Variants in ASTN2 observed in about 807,000 individuals in gnomAD.
ASTN2 encodes astrotactin-2.
Under a neutral mutation model 139.8 loss-of-function variants are expected in ASTN2, and 54 were observed. The observed-to-expected ratio is 0.39, with a 90% CI of 0.31 to 0.48. The LOEUF is 0.48. Among genes scored for constraint, ASTN2 ranks in the 20% least tolerant of loss-of-function variants. The pLI is 0.95. For synonymous variants in ASTN2, 756 were observed against 719.5 expected (o/e 1.05, Z -0.81); for missense variants, 1,565 against 1,725.1 (o/e 0.91, Z 1.64).
chr9:116,534,348 T>A (rs998211923), intron 19 of ASTN2, among the ~76,000 whole-genome samples: 4 of 152,216 alleles, frequency 2.6e-5, no homozygotes, highest in African/African-American at 9.6e-5. Context: ...TGGTTTTTTG[T>A]GTCTCTATTT....
chr9:117,069,258 C>A (rs1274210196), intron 5 of ASTN2, among the ~76,000 whole-genome samples: 1 of 102,428 alleles, frequency 9.8e-6, no homozygotes, highest in African/African-American at 4.4e-5. Context: ...GCCTTCATTT[C>A]GTTATGTACC....
intron 19 of ASTN2, among the ~76,000 whole-genome samples, chr9:116,614,101 A>G (rs1436061018): frequency 1.3e-5 from 2 of 152,202 alleles, no homozygotes; most frequent in African/African-American, 2.4e-5. Flanking sequence ...GAGCCAAATC[A>G]TGAGTGAACT....
chr9:117,321,047 G>A (rs776685485), intron 1 of ASTN2, among the ~76,000 whole-genome samples: 3 of 152,298 alleles, frequency 2.0e-5, no homozygotes, highest in Admixed American at 6.5e-5. Flanking sequence ...CACACAATGT[G>A]CCCCATCAGT....
At chr9:116,519,525 G>C (rs1850783392) in intron 19 of ASTN2, among the ~76,000 whole-genome samples, 1 of 152,022 alleles carries the variant, frequency 6.6e-6, no homozygotes, top group Non-Finnish European at 1.5e-5. Flanking sequence ...TAAGAGGAAA[G>C]TTCAAAGCAT....
intron 10 of ASTN2, among the ~76,000 whole-genome samples, chr9:116,920,838 G>A (rs772661525): frequency 1.5e-4 from 23 of 152,202 alleles, no homozygotes; most frequent in Admixed American, 2.6e-4. Flanking sequence ...TCAAGACAAC[G>A]TAGCTAGTAG....
intron 3 of ASTN2, among the ~76,000 whole-genome samples, chr9:117,188,065 C>A (rs1333212751): frequency 6.6e-6 from 1 of 151,764 alleles, no homozygotes; most frequent in Non-Finnish European, 1.5e-5. Flanking sequence ...GAATGTTAAG[C>A]AGCATCCCTG....
chr9:116,552,339 G>A (rs1429312529), intron 19 of ASTN2: 9 of 152,132 alleles, frequency 5.9e-5, no homozygotes, highest in Admixed American at 5.9e-4. Flanking sequence ...CAGAGTTAAG[G>A]GGGATAAGTG....
At chr9:117,016,081 T>C (rs1376432191) in intron 6 of ASTN2, among the ~76,000 whole-genome samples, 1 of 152,144 alleles carries the variant, frequency 6.6e-6, no homozygotes, top group African/African-American at 2.4e-5. Flanking sequence ...TTAAATATTT[T>C]CACTCCCTCC....
At chr9:117,307,455 G>A (rs1358513031) in intron 1 of ASTN2, among the ~76,000 whole-genome samples, 3 of 152,192 alleles carry the variant, frequency 2.0e-5, no homozygotes, top group Non-Finnish European at 4.4e-5. Context: ...CATGACACAC[G>A]TAAACTTGCA....
intron 17 of ASTN2, among the ~76,000 whole-genome samples, chr9:116,629,757 C>T (rs982209280): frequency 1.3e-5 from 2 of 152,158 alleles, no homozygotes; most frequent in African/African-American, 4.8e-5. Context: ...CCCGACAGAA[C>T]AGCTCCTTAA....
At chr9:116,485,515 T>A (rs2119075004) in intron 20 of ASTN2, among the ~76,000 whole-genome samples, 1 of 152,344 alleles carries the variant, frequency 6.6e-6, no homozygotes, top group South Asian at 2.1e-4. Flanking sequence ...CATGCAGTTG[T>A]CCCAGAGCCC....
intron 5 of ASTN2, among the ~76,000 whole-genome samples, chr9:117,058,284 A>G (rs145063076): frequency 8.5e-4 from 129 of 152,348 alleles, no homozygotes; most frequent in African/African-American, 2.7e-3. Context: ...AGGCAGGAAA[A>G]TAAAATCCAG....
intron 8 of ASTN2, 141 bp downstream of exon 8, chr9:116,976,560 T>G (rs897077103): frequency 1.5e-6 from 1 of 661,150 alleles, no homozygotes; most frequent in Non-Finnish European, 2.6e-6. Flanking sequence ...TAGGATTCAC[T>G]TCCCATTGGG....
At chr9:116,797,649 G>A (rs1271680621) in intron 13 of ASTN2, among the ~76,000 whole-genome samples, 2 of 152,108 alleles carry the variant, frequency 1.3e-5, no homozygotes, top group Non-Finnish European at 2.9e-5. Flanking sequence ...AGAAGCTAAT[G>A]CCTCCTTTTA....
chr9:116,489,444 C>T (rs1430388929), intron 19 of ASTN2, among the ~76,000 whole-genome samples: 2 of 152,108 alleles, frequency 1.3e-5, no homozygotes, highest in African/African-American at 4.8e-5. Flanking sequence ...TCAAGAGGTC[C>T]TCCCACCTCA....
At position 116,522,091 on chromosome 9, in the gene ASTN2, C is replaced by A. The variant is rs190910680; in HGVS notation, c.3356-34591G>T. Among the ~76,000 whole-genome samples, 93 of 152,104 alleles carry A rather than the reference C, an allele frequency of 6.1e-4. 1 individual carries two copies. Among genetic ancestry groups the A allele is most frequent in the Admixed American group, 1.4e-3 (22 of 15,246 alleles). On this transcript the variant is annotated intron_variant, in intron 19 of 22. Coordinates refer to ENST00000313400, the MANE Select transcript of ASTN2 (RefSeq NM_001365068.1). ...GAATGTAAACTAGTACAACCACTAT[C>A]GAAAACAATTTGGAGATTCCTTAAA...
intron 6 of ASTN2, among the ~76,000 whole-genome samples, chr9:117,016,035 G>A (rs1417715013): frequency 6.6e-6 from 1 of 152,040 alleles, no homozygotes; most frequent in African/African-American, 2.4e-5. Flanking sequence ...TACACTGTAT[G>A]TACTGTTTAT....
chr9:116,609,689 G>T (rs1643945558), intron 19 of ASTN2, among the ~76,000 whole-genome samples: 1 of 151,496 alleles, frequency 6.6e-6, no homozygotes, highest in Non-Finnish European at 1.5e-5. Flanking sequence ...ATCTACATGG[G>T]TAAATATATA....
rs375442860 is a variant in ASTN2 at position 116,698,681 on chromosome 9, G to A, written c.2806+27090C>T. The stretch of plus-strand genomic sequence containing the variant: ...ATTCCTGGGCCATGGAGGCCACAGC[G>A]TCTGCTGCCTCTACCTCTGTTACTT... On this transcript the variant is annotated intron_variant, in intron 16 of 22. Coordinates refer to ENST00000313400, the MANE Select transcript of ASTN2 (RefSeq NM_001365068.1). This position sits in a 1 kb window ranked among gnomAD's most constrained non-coding sequence, Gnocchi z 4.4. 1.4e-5 allele frequency: 22 copies of A among 1,614,048 alleles called. No homozygotes were observed. The highest frequency in any genetic ancestry group is 2.2e-5 in the East Asian group (1 of 44,890).
Sources: gnomAD v4.1 joint callset for allele counts (sites outside exome capture counted in the v4.1 genomes callset) on GRCh38, gnomAD v4.1.1 for gene constraint, Gnocchi (gnomAD v3.1) non-coding constraint, MANE v1.5 for transcripts, NCBI Gene and HGNC (gene_info 2026-07-23, HGNC 2026-07-21) for gene names.